Variants in FAM168A observed in about 807,000 individuals in gnomAD.
FAM168A encodes protein FAM168A.
FAM168A carries 3 observed loss-of-function variants against 28.5 expected under a neutral mutation model. That is an observed-to-expected ratio of 0.11 (90% confidence interval 0.05 to 0.27). The LOEUF (loss-of-function observed/expected upper bound fraction) is 0.27. Ranked by LOEUF, FAM168A falls within the 10% of genes least tolerant of loss-of-function variation. The pLI is 1.00. For synonymous variants in FAM168A, 122 were observed against 124.2 expected, an observed-to-expected ratio of 0.98 and a Z score of 0.12; for missense variants, 222 against 311.5, an observed-to-expected ratio of 0.71 and a Z score of 2.16.
chr11:73,568,594 G>C (rs1445205999), intron 1 of FAM168A, among the ~76,000 whole-genome samples: 1 of 152,170 alleles, frequency 6.6e-6, no homozygotes, highest in African/African-American at 2.4e-5. Flanking sequence ...CAGGAAGAAG[G>C]CTATTAAGAA....
chr11:73,478,041 A>G (rs1867915197), intron 1 of FAM168A, among the ~76,000 whole-genome samples: 1 of 152,194 alleles, frequency 6.6e-6, no homozygotes, highest in Non-Finnish European at 1.5e-5. Flanking sequence ...TATAAAACTG[A>G]ATTGTTGGCC....
intron 2 of FAM168A, among the ~76,000 whole-genome samples, chr11:73,455,260 T>A (rs573434480): frequency 2.9e-4 from 44 of 152,188 alleles, no homozygotes; most frequent in Non-Finnish European, 6.0e-4. Flanking sequence ...GCGAGCTGAG[T>A]AAGCAGAGTT....
chr11:73,591,015 G>C (rs1052933653), intron 1 of FAM168A, among the ~76,000 whole-genome samples: 2 of 152,108 alleles, frequency 1.3e-5, no homozygotes, highest in South Asian at 2.1e-4. Context: ...ATGGTGGCAC[G>C]GGCCTGTGGT....
chr11:73,471,044 A>ACTGACAGAAATGAGAT (rs978506531), intron 1 of FAM168A, among the ~76,000 whole-genome samples: 1 of 152,186 alleles, frequency 6.6e-6, no homozygotes, highest in Non-Finnish European at 1.5e-5. Context: ...TCAATTAATG[A>ACTGACAGAAATGAGAT]CTGACAGAAA....
chr11:73,571,584 C>A (rs572915995), intron 1 of FAM168A, among the ~76,000 whole-genome samples: 1 of 151,740 alleles, frequency 6.6e-6, no homozygotes, highest in African/African-American at 2.4e-5. Context: ...GTGGTGTGAT[C>A]TCGGCTCGCT....
intron 1 of FAM168A, among the ~76,000 whole-genome samples, chr11:73,586,221 T>C (rs1417744463): frequency 2.0e-5 from 3 of 152,168 alleles, no homozygotes; most frequent in Admixed American, 2.0e-4. Context: ...CCTAGTCACT[T>C]ATTGGCTGAT....
At position 73,405,562 on chromosome 11, in the gene FAM168A, A is replaced by T. The variant is rs569264422; in HGVS notation, c.*1201T>A. 1 of 152,352 alleles carries T rather than the reference A, an allele frequency of 6.6e-6. No homozygotes were observed. Among genetic ancestry groups the T allele is most frequent in the East Asian group, 1.9e-4 (1 of 5,186 alleles). 9.4% of individuals were successfully genotyped at this position (152,352 alleles called of 1,614,324 possible). A position where few individuals can be genotyped will look rare whatever the true frequency, so the allele number is the denominator to read the frequency against. On this transcript the variant is annotated 3_prime_UTR_variant, in exon 8 of 8. Transcript: ENST00000356467. ...AGTTTCCTCATCTGCCAAATAGGGA[A>T]ATGGATGAGATGATTGCTAAGGTCC...
Position 73,404,434 on chromosome 11 carries a change from T to C in FAM168A, c.*2329A>G, listed in dbSNP as rs1866466930. On this transcript the variant is annotated 3_prime_UTR_variant, in exon 8 of 8. Transcript: ENST00000356467. ...TGATGCACCTGACAAATCCAAAGGT[T>C]TCTATTATTATTATCATTATTATTA... 2 of 152,242 alleles carry C rather than the reference T, an allele frequency of 1.3e-5. No homozygotes were observed. The highest frequency in any genetic ancestry group is 4.1e-4 in the South Asian group (2 of 4,834). The allele number at this position is 152,242 out of a possible 1,614,324, so 9.4% of individuals were successfully genotyped here.
intron 1 of FAM168A, among the ~76,000 whole-genome samples, chr11:73,501,097 A>T (rs1590818613): frequency 6.6e-6 from 1 of 152,356 alleles, no homozygotes; most frequent in East Asian, 1.9e-4. Flanking sequence ...AAGACAAAAA[A>T]GGGCATTACA....
intron 1 of FAM168A, among the ~76,000 whole-genome samples, chr11:73,485,157 G>A (rs1258260912): frequency 1.3e-5 from 2 of 152,116 alleles, no homozygotes; most frequent in Admixed American, 6.5e-5. Flanking sequence ...CCATCATGTT[G>A]TTAAATATAC....
chr11:73,559,035 A>T lies in FAM168A; in HGVS notation c.-19+38888T>A, dbSNP rs1252971658. Among the ~76,000 whole-genome samples the T allele has an allele frequency of 6.6e-5, 10 of 152,306 alleles. No homozygotes were observed. In the East Asian group the frequency reaches 1.9e-3, roughly 29 times the overall value. ...TTCACAATAGCGAAAGATAGAAACAACTCAAACGTCCATCAGTGGACAAAC... is the reference window on the plus strand; with the variant it reads ...TTCACAATAGCGAAAGATAGAAACATCTCAAACGTCCATCAGTGGACAAAC... On this transcript the variant is annotated intron_variant, in intron 1 of 7. Transcript: ENST00000356467.
chr11:73,578,305 G>A (rs1404666201), intron 1 of FAM168A, among the ~76,000 whole-genome samples: 1 of 152,110 alleles, frequency 6.6e-6, no homozygotes, highest in Non-Finnish European at 1.5e-5. Context: ...GAATGAGGAG[G>A]GAAAGACTTC....
intron 1 of FAM168A, among the ~76,000 whole-genome samples, chr11:73,536,244 G>A (rs963753639): frequency 1.3e-5 from 2 of 152,084 alleles, no homozygotes; most frequent in Non-Finnish European, 2.9e-5. Context: ...CAACATAAAA[G>A]ACAGAATTCA....
At chr11:73,539,093 G>A (rs1182138214) in intron 1 of FAM168A, among the ~76,000 whole-genome samples, 1 of 152,152 alleles carries the variant, frequency 6.6e-6, no homozygotes, top group Non-Finnish European at 1.5e-5. Flanking sequence ...TAATTTGGCT[G>A]CGCATTTCAA....
In FAM168A at chr11:73,522,901, T is replaced by C. The variant is rs373743861; in HGVS notation, c.-18-54409A>G. The stretch of plus-strand genomic sequence containing the variant: ...AGTGGCGGGCATCTGTAATTCCAGT[T>C]ACTTGAGAGGCTGAGGCAGGAGAAT... On this transcript the variant is annotated intron_variant, in intron 1 of 7. Transcript: ENST00000356467. Among the ~76,000 whole-genome samples the C allele has an allele frequency of 1.6e-4, 25 of 151,838 alleles. 2 individuals carry two copies. Among genetic ancestry groups the C allele is most frequent in the Admixed American group, 1.1e-3 (17 of 15,246 alleles).
At chr11:73,535,295 T>G (rs976859962) in intron 1 of FAM168A, among the ~76,000 whole-genome samples, 1 of 152,088 alleles carries the variant, frequency 6.6e-6, no homozygotes, top group South Asian at 2.1e-4. Context: ...GGCTGGAGTT[T>G]AGTGGCACAA....
chr11:73,418,777 T>C (rs1210675254), intron 4 of FAM168A, among the ~76,000 whole-genome samples: 1 of 151,974 alleles, frequency 6.6e-6, no homozygotes, highest in Non-Finnish European at 1.5e-5. Context: ...AGTTCTTCCT[T>C]ATATGGAGTC....
At position 73,405,804 on chromosome 11, in the gene FAM168A, G is replaced by C. The variant is rs1047811108; in HGVS notation, c.*959C>G. 1 of 152,206 alleles carries C rather than the reference G, an allele frequency of 6.6e-6. No individual in the cohort carries two copies. Among genetic ancestry groups the C allele is most frequent in the Non-Finnish European group, 1.5e-5 (1 of 68,048 alleles). 9.4% of individuals were successfully genotyped at this position (152,206 alleles called of 1,614,324 possible). On this transcript the variant is annotated 3_prime_UTR_variant, in exon 8 of 8. Coordinates refer to ENST00000356467, the MANE Select transcript of FAM168A (RefSeq NM_015159.3). ...AAAGAAAAGGGAGAGAAATGCCCTA[G>C]GTTCCCACTCCAATCAGGAGGAAGC...
At chr11:73,410,092 A>T (rs1866581324) in intron 5 of FAM168A, among the ~76,000 whole-genome samples, 1 of 146,602 alleles carries the variant, frequency 6.8e-6, no homozygotes, top group Non-Finnish European at 1.5e-5. Flanking sequence ...TGCATGTTGT[A>T]AAAAAAAAAA....
Sources: gnomAD v4.1 joint callset for allele counts (sites outside exome capture counted in the v4.1 genomes callset) on GRCh38, gnomAD v4.1.1 for gene constraint, MANE v1.5 for transcripts, NCBI Gene and HGNC (gene_info 2026-07-23, HGNC 2026-07-21) for gene names.